Variants in PPARGC1B observed in about 807,000 individuals in gnomAD.
PPARGC1B encodes the protein peroxisome proliferator-activated receptor gamma coactivator 1-beta.
Under a neutral mutation model 101.6 loss-of-function variants are expected in PPARGC1B, and 34 were observed. The ratio of observed to expected loss-of-function variants is 0.33; its 90% CI spans 0.25 to 0.45. The LOEUF (loss-of-function observed/expected upper bound fraction) is 0.45, where lower values mean the gene tolerates loss of function less well. Among genes scored for constraint, PPARGC1B ranks in the 20% least tolerant of loss-of-function variants. PPARGC1B has a pLI of 1.00. For missense variants in PPARGC1B, 1,234 were observed against 1,317.6 expected, an observed-to-expected ratio of 0.94 and a Z score of 0.98; for synonymous variants, 548 against 539.3, an observed-to-expected ratio of 1.02 and a Z score of -0.22.
chr5:149,769,835 GCCCTGA>G lies in PPARGC1B; in HGVS notation c.78+39432_78+39437del, dbSNP rs143875388. Among the ~76,000 whole-genome samples the G allele has an allele frequency of 3.8e-3, 582 of 152,158 alleles. 27 individuals carry two copies. The East Asian group carries it at 0.091, about 24-fold the overall frequency. On this transcript the variant is annotated intron_variant, in intron 1 of 11. Transcript: ENST00000309241. ...GCCCCTTCACTTATCTCCTTCTCTG[GCCCTGA>G]CCCTGACCCTGACCCTTCTGCCTCC... is the stretch of plus-strand genomic sequence containing the variant.
intron 1 of PPARGC1B, among the ~76,000 whole-genome samples, chr5:149,744,195 A>C (rs1295445004): frequency 6.6e-6 from 1 of 152,198 alleles, no homozygotes; most frequent in Non-Finnish European, 1.5e-5. Context: ...GAATCTCCTC[A>C]TATGTTGCAC....
rs1446837409 is a variant in PPARGC1B, at chr5:149,832,287, G to A, written c.583-369G>A. Reference sequence around the variant, plus strand: ...TCGATGAATCCCCCAGTGCTCATTTGTAGCAAGTCCTTCCTACGCCCAGCT... The same window carrying A: ...TCGATGAATCCCCCAGTGCTCATTTATAGCAAGTCCTTCCTACGCCCAGCT... On this transcript the variant is annotated intron_variant, in intron 4 of 11. Coordinates refer to ENST00000309241, the MANE Select transcript of PPARGC1B (RefSeq NM_133263.4). The surrounding 1 kb of genome is among the most constrained non-coding windows in gnomAD (Gnocchi z 4.9). Among the ~76,000 whole-genome samples, 1 of 152,214 alleles carries A rather than the reference G, an allele frequency of 6.6e-6. No homozygotes were observed. Among genetic ancestry groups the A allele is most frequent in the African/African-American group, 2.4e-5 (1 of 41,454 alleles).
chr5:149,733,696 G>A (rs1754586615), intron 1 of PPARGC1B, among the ~76,000 whole-genome samples: 1 of 152,088 alleles, frequency 6.6e-6, no homozygotes, highest in African/African-American at 2.4e-5. Flanking sequence ...GGCAGCGAGT[G>A]TGGGAGAGAG....
At chr5:149,776,903 C>T (rs1039731941) in intron 1 of PPARGC1B, among the ~76,000 whole-genome samples, 2 of 152,270 alleles carry the variant, frequency 1.3e-5, no homozygotes, top group Non-Finnish European at 2.9e-5. Flanking sequence ...ACTCTGCACA[C>T]ACATGTGTGT....
Position 149,735,899 on chromosome 5 carries a change from G to A in PPARGC1B, c.78+5479G>A, listed in dbSNP as rs574884154. On this transcript the variant is annotated intron_variant, in intron 1 of 11. Transcript: ENST00000309241. ...CCAGCACTTTGGGAGGCCAAGGCGG[G>A]CAGATCACGAGGCCAGGAGTTCGAG... is the stretch of plus-strand genomic sequence containing the variant. Among the ~76,000 whole-genome samples the A allele has an allele frequency of 1.3e-4, 20 of 152,358 alleles. 2 individuals are homozygous for A. Among genetic ancestry groups the A allele is most frequent in the African/African-American group, 4.1e-4 (17 of 41,574 alleles).
In PPARGC1B at chr5:149,833,080, C is replaced by A; in HGVS notation, c.1007C>A (p.Ser336Tyr). Residue 336 changes from serine to tyrosine, a missense_variant, in exon 5 of 12, where the codon TCC becomes TAC. Coordinates refer to ENST00000309241, the MANE Select transcript of PPARGC1B (RefSeq NM_133263.4). The surrounding 1 kb of genome is among the most constrained non-coding windows in gnomAD (Gnocchi z 4.1). Reference sequence around the variant, plus strand: ...TGGTCCCGGCACCACTCCAAAGCCTCCTGGGCTGAGTTCTCCATTCTGAGG... The same window carrying A: ...TGGTCCCGGCACCACTCCAAAGCCTACTGGGCTGAGTTCTCCATTCTGAGG... ...RPWSRHHSKA[S>Y]WAEFSILREL... 1 of 1,613,958 alleles carries A rather than the reference C, an allele frequency of 6.2e-7. No homozygotes were observed. Among genetic ancestry groups the A allele is most frequent in the Non-Finnish European group, 8.5e-7 (1 of 1,180,040 alleles).
chr5:149,826,041 A>G (rs945759065), intron 2 of PPARGC1B, among the ~76,000 whole-genome samples: 1 of 152,186 alleles, frequency 6.6e-6, no homozygotes, highest in African/African-American at 2.4e-5. Context: ...ATAGATGAGA[A>G]AGCTAACTTG....
intron 1 of PPARGC1B, among the ~76,000 whole-genome samples, chr5:149,794,481 G>A (rs996963873): frequency 6.6e-6 from 1 of 151,610 alleles, no homozygotes; most frequent in Non-Finnish European, 1.5e-5. Flanking sequence ...CTGATTTGCT[G>A]TTGATTGCAC....
chr5:149,755,052 C>T (rs6880237), intron 1 of PPARGC1B, among the ~76,000 whole-genome samples: 45,026 of 108,114 alleles, frequency 0.42, 8,158 homozygotes, highest in Non-Finnish European at 0.46. Context: ...TATACATATA[C>T]ATATATATAT....
intron 1 of PPARGC1B, among the ~76,000 whole-genome samples, chr5:149,796,721 C>T (rs897950156): frequency 3.3e-5 from 5 of 151,868 alleles, no homozygotes; most frequent in African/African-American, 4.8e-5. Context: ...CATGTGAGGG[C>T]GAGGGAAGAG....
At position 149,851,781 on chromosome 5, in the gene PPARGC1B, A is replaced by G. The variant is rs1275954248; in HGVS notation, c.*4223A>G. 4 of 152,128 alleles carry G rather than the reference A, an allele frequency of 2.6e-5. No individual in the cohort carries two copies. The highest frequency in any genetic ancestry group is 9.7e-5 in the African/African-American group (4 of 41,398). 9.4% of individuals were successfully genotyped at this position (152,128 alleles called of 1,614,324 possible). On this transcript the variant is annotated 3_prime_UTR_variant, in exon 12 of 12. Coordinates refer to ENST00000309241, the MANE Select transcript of PPARGC1B (RefSeq NM_133263.4). ...ATGGAGGGGAGCTGCAGAGTTGGAA[A>G]CCCACATGCATGGATGTGTCCTTGG...
chr5:149,820,677 C>T, intron 2 of PPARGC1B, 71 bp downstream of exon 2: 4 of 1,439,982 alleles, frequency 2.8e-6, no homozygotes, highest in Non-Finnish European at 3.8e-6. Flanking sequence ...CGGCTCTGCC[C>T]TGCTCTGCCT....
At chr5:149,733,751 GGCCACACA>G (rs1208314119) in intron 1 of PPARGC1B, among the ~76,000 whole-genome samples, 2 of 152,170 alleles carry the variant, frequency 1.3e-5, no homozygotes, top group Non-Finnish European at 2.9e-5. Context: ...AGACCCCAAA[GGCCACACA>G]GCAAGTCCAC....
intron 1 of PPARGC1B, among the ~76,000 whole-genome samples, chr5:149,792,259 G>A (rs1029872593): frequency 6.6e-6 from 1 of 152,186 alleles, no homozygotes; most frequent in Non-Finnish European, 1.5e-5. Context: ...GAGCCAGCAG[G>A]GCTCCTCCAG....
At position 149,836,670 on chromosome 5, in the gene PPARGC1B, G is replaced by A. The variant is rs1484060424; in HGVS notation, c.2215G>A (p.Glu739Lys). 1.9e-6 allele frequency: 3 copies of A among 1,613,784 alleles called. No individual in the cohort carries two copies. The highest frequency in any genetic ancestry group is 1.1e-5 in the South Asian group (1 of 91,084). Residue 739 changes from glutamate (E) to lysine (K), a missense_variant, in exon 8 of 12, where the codon GAA (glutamate) becomes AAA (lysine). Physicochemically the swap from Glu to Lys is moderately conservative, Grantham distance 56 (BLOSUM62 1). Coordinates refer to ENST00000309241, the MANE Select transcript of PPARGC1B (RefSeq NM_133263.4). ...WAEAQAPGREEDRSCDAGAPP... is the reference protein window; with the variant it reads ...WAEAQAPGREKDRSCDAGAPP... ...TGAGGCACAGGCCCCTGGCAGGGAG[G>A]AAGACAGAAGCTGTGATGCTGGCGC...
At chr5:149,750,623 CT>C (rs1755262452) in intron 1 of PPARGC1B, among the ~76,000 whole-genome samples, 1 of 151,972 alleles carries the variant, frequency 6.6e-6, no homozygotes, top group Admixed American at 6.5e-5. Flanking sequence ...CACAGAGCTG[CT>C]TACAGAGCCG....
In PPARGC1B at chr5:149,730,904, G is replaced by GC; in HGVS notation, c.78+490dup. The stretch of plus-strand genomic sequence containing the variant: ...TGTAGTCCCCAGAGTGCTGTTGCTG[G>GC]CCCCCCGCGGCTTTCTACCCGCGCC... On this transcript the variant is annotated intron_variant, in intron 1 of 11. Transcript: ENST00000309241. This position sits in a 1 kb window ranked among gnomAD's most constrained non-coding sequence, Gnocchi z 4.0. Among the ~76,000 whole-genome samples the GC allele has an allele frequency of 6.6e-6, 1 of 152,230 alleles. No homozygotes were observed. Among genetic ancestry groups the GC allele is most frequent in the East Asian group, 1.9e-4 (1 of 5,180 alleles).
chr5:149,761,075 C>CT (rs1247138120), intron 1 of PPARGC1B, among the ~76,000 whole-genome samples: 1 of 152,100 alleles, frequency 6.6e-6, no homozygotes, highest in Non-Finnish European at 1.5e-5. Context: ...GCTGCGGTGG[C>CT]TTTTTTTCTT....
At chr5:149,765,676 G>A (rs1315775250) in intron 1 of PPARGC1B, among the ~76,000 whole-genome samples, 1 of 152,158 alleles carries the variant, frequency 6.6e-6, no homozygotes, top group Middle Eastern at 3.4e-3. Context: ...GGCCAACACG[G>A]GGAAACTCCG....
Sources: allele counts gnomAD v4.1 joint callset (sites outside exome capture counted in the v4.1 genomes callset), GRCh38; gene constraint gnomAD v4.1.1; non-coding constraint Gnocchi (gnomAD v3.1); transcripts MANE v1.5; gene names NCBI Gene and HGNC (gene_info 2026-07-23, HGNC 2026-07-21).